Variants in KCNQ3 observed in about 807,000 individuals in gnomAD.
KCNQ3 encodes potassium voltage-gated channel subfamily KQT member 3.
In KCNQ3, 30 loss-of-function variants were observed where a neutral mutation model predicts 92.5. That is an observed-to-expected ratio of 0.32 (90% CI 0.24 to 0.44). The LOEUF is 0.44. Among genes scored for constraint, KCNQ3 ranks in the 20% least tolerant of loss-of-function variants. The probability of loss-of-function intolerance (pLI) is 1.00; values close to 1 mark genes in which losing one functional copy is unlikely to be tolerated. For synonymous variants in KCNQ3, 450 were observed against 468.8 expected (o/e 0.96, Z 0.52); for missense variants, 913 against 1,140.3 (o/e 0.80, Z 2.87).
intron 1 of KCNQ3, among the ~76,000 whole-genome samples, chr8:132,451,245 C>CT (rs1466182455): frequency 6.6e-6 from 1 of 152,246 alleles, no homozygotes; most frequent in Non-Finnish European, 1.5e-5. Flanking sequence ...TTTGCTTCTC[C>CT]TTTGCCTTCT....
chr8:132,225,846 C>T (rs964539915), intron 1 of KCNQ3, among the ~76,000 whole-genome samples: 1 of 152,118 alleles, frequency 6.6e-6, no homozygotes, highest in Non-Finnish European at 1.5e-5. Context: ...GCATTGGTTG[C>T]CTTGGAAATA....
intron 1 of KCNQ3, among the ~76,000 whole-genome samples, chr8:132,362,135 T>A (rs966909538): frequency 6.6e-6 from 1 of 152,004 alleles, no homozygotes; most frequent in African/African-American, 2.4e-5. Flanking sequence ...GCATGTGGCT[T>A]GACGATTTTC....
At position 132,222,481 on chromosome 8, in the gene KCNQ3, G is replaced by C. The variant is rs76808797; in HGVS notation, c.387-36300C>G. Among the ~76,000 whole-genome samples, 998 of 152,328 alleles carry C rather than the reference G, an allele frequency of 6.6e-3. 12 individuals carry two copies. Among genetic ancestry groups the C allele is most frequent in the African/African-American group, 0.023 (959 of 41,564 alleles). ...ATTCCTTGCTAAGTTGAATGGTTTA[G>C]TTAGATTCTGAGAAGAGTGAGTTTA... On this transcript the variant is annotated intron_variant, in intron 1 of 14. Coordinates refer to ENST00000388996, the MANE Select transcript of KCNQ3 (RefSeq NM_004519.4).
chr8:132,319,825 G>A (rs1010568913), intron 1 of KCNQ3, among the ~76,000 whole-genome samples: 1 of 152,178 alleles, frequency 6.6e-6, no homozygotes, highest in Admixed American at 6.5e-5. Context: ...GGGACATGGG[G>A]CCTGAAGCCT....
chr8:132,435,387 G>A (rs555802795), intron 1 of KCNQ3, among the ~76,000 whole-genome samples: 25 of 152,278 alleles, frequency 1.6e-4, no homozygotes, highest in Admixed American at 4.6e-4. Context: ...AGCCAGAGGC[G>A]GGGAGGGATC....
Position 132,129,869 on chromosome 8 carries a change from T to G in KCNQ3, c.2012A>C (p.Lys671Thr). 1.2e-6 allele frequency: 2 copies of G among 1,614,186 alleles called. No individual in the cohort carries two copies. The highest frequency in any genetic ancestry group is 1.7e-6 in the Non-Finnish European group (2 of 1,180,022). The change falls in exon 15 of 15, where the codon AAG (lysine) becomes ACG (threonine). Residue 671 changes from lysine to threonine, a missense_variant. Coordinates refer to ENST00000388996, the MANE Select transcript of KCNQ3 (RefSeq NM_004519.4). This position sits in a 1 kb window ranked among gnomAD's most constrained non-coding sequence, Gnocchi z 5.9. ...KGTSSPAEAE[K>T]KEDNRYSDLK... ...ATCGGAATACCTGTTGTCCTCCTTCTTCTCTGCTTCAGCTGGCGAGGAGGT... is the reference window on the plus strand; with the variant it reads ...ATCGGAATACCTGTTGTCCTCCTTCGTCTCTGCTTCAGCTGGCGAGGAGGT...
chr8:132,207,520 A>T (rs935319298), intron 1 of KCNQ3, among the ~76,000 whole-genome samples: 4 of 152,092 alleles, frequency 2.6e-5, no homozygotes, highest in Non-Finnish European at 5.9e-5. Context: ...TACCTTCTCC[A>T]CCTCCACAGC....
At chr8:132,167,395 C>A (rs1826173500) in intron 8 of KCNQ3, among the ~76,000 whole-genome samples, 1 of 152,152 alleles carries the variant, frequency 6.6e-6, no homozygotes, top group Non-Finnish European at 1.5e-5. Flanking sequence ...AACCACTGAA[C>A]TGTTCACTTT....
intron 4 of KCNQ3, 44 bp downstream of exon 4, chr8:132,180,113 G>T (rs1467624311): frequency 1.2e-6 from 2 of 1,604,368 alleles, no homozygotes. Flanking sequence ...GGCATAGGTG[G>T]GTGGGAAGCC....
intron 1 of KCNQ3, among the ~76,000 whole-genome samples, chr8:132,467,456 T>C (rs1822199254): frequency 6.6e-6 from 1 of 152,178 alleles, no homozygotes; most frequent in Middle Eastern, 3.4e-3. Context: ...CTGAGCTCAG[T>C]GGAGTCCAGA....
chr8:132,186,039 T>A, intron 2 of KCNQ3, 52 bp downstream of exon 2: 1 of 1,408,970 alleles, frequency 7.1e-7, no homozygotes, highest in Non-Finnish European at 1.0e-6. Flanking sequence ...AACCTCCTTT[T>A]CATCACTCTG....
intron 1 of KCNQ3, among the ~76,000 whole-genome samples, chr8:132,223,485 G>A (rs1814304270): frequency 6.6e-6 from 1 of 152,210 alleles, no homozygotes; most frequent in Non-Finnish European, 1.5e-5. Flanking sequence ...ATTTTGCCAG[G>A]TGGGGCTATC....
chr8:132,159,267 T>A (rs1193693705), intron 9 of KCNQ3, among the ~76,000 whole-genome samples: 1 of 152,210 alleles, frequency 6.6e-6, no homozygotes, highest in Non-Finnish European at 1.5e-5. Context: ...TGAACAATTA[T>A]CGTGTTTTGT....
intron 8 of KCNQ3, among the ~76,000 whole-genome samples, chr8:132,167,941 A>G (rs1458771473): frequency 6.6e-6 from 1 of 152,184 alleles, no homozygotes; most frequent in African/African-American, 2.4e-5. Context: ...TTCTAAGAAG[A>G]CTCTGCTTTA....
chr8:132,134,238 GC>G (rs1337070822), intron 13 of KCNQ3, 51 bp downstream of exon 13: 4 of 1,359,426 alleles, frequency 2.9e-6, no homozygotes, highest in Non-Finnish European at 4.2e-6. Flanking sequence ...GGGTGGGGAT[GC>G]TTTACAAACT....
At chr8:132,266,030 C>A (rs987689441) in intron 1 of KCNQ3, among the ~76,000 whole-genome samples, 11 of 152,182 alleles carry the variant, frequency 7.2e-5, no homozygotes, top group Non-Finnish European at 1.5e-4. Flanking sequence ...CCAGACAATT[C>A]ATCTCTTAGA....
chr8:132,165,017 C>G (rs1261871270), intron 8 of KCNQ3, among the ~76,000 whole-genome samples: 1 of 152,198 alleles, frequency 6.6e-6, no homozygotes, highest in East Asian at 1.9e-4. Context: ...CTCTGCTTCT[C>G]TCTCCTCTAG....
At chr8:132,238,435 T>A (rs973316953) in intron 1 of KCNQ3, among the ~76,000 whole-genome samples, 12 of 152,068 alleles carry the variant, frequency 7.9e-5, no homozygotes, top group Admixed American at 7.9e-4. Context: ...GTACCCTTAG[T>A]CTGTAAGAGA....
intron 1 of KCNQ3, among the ~76,000 whole-genome samples, chr8:132,338,188 G>T (rs191544450): frequency 1.3e-5 from 2 of 152,212 alleles, no homozygotes; most frequent in Non-Finnish European, 2.9e-5. Context: ...CCCTGTGAGA[G>T]TATCAGCATG....
Sources: allele counts gnomAD v4.1 joint callset (sites outside exome capture counted in the v4.1 genomes callset), GRCh38; gene constraint gnomAD v4.1.1; non-coding constraint Gnocchi (gnomAD v3.1); transcripts MANE v1.5; gene names NCBI Gene and HGNC (gene_info 2026-07-23, HGNC 2026-07-21).